The following ANKRD30A variants were observed in gnomAD, a reference collection of about 807,000 sequenced individuals.
ANKRD30A encodes the protein ankyrin repeat domain 30A.
ANKRD30A carries 170 observed loss-of-function variants against 166.3 expected under a neutral mutation model. The observed-to-expected ratio is 1.02, with a 90% CI of 0.90 to 1.16. The LOEUF (loss-of-function observed/expected upper bound fraction) is 1.16, where lower values mean the gene tolerates loss of function less well. ANKRD30A is among the 50% of genes most tolerant of loss of function. The pLI, the probability that ANKRD30A is intolerant of heterozygous loss-of-function variation, is 0.00. For synonymous variants in ANKRD30A, 564 were observed against 508.9 expected (o/e 1.11, Z -1.46); for missense variants, 1,630 against 1,518.0 (o/e 1.07, Z -1.23).
At chr10:37,153,430 T>G (rs2132564442) in intron 12 of ANKRD30A, 142 bp from the exon 13 acceptor site, 1 of 1,262,374 alleles carries the variant, frequency 7.9e-7, no homozygotes, top group South Asian at 1.5e-5. Context: ...GTGTTGGTTT[T>G]CTATATGTAT....
intron 34 of ANKRD30A, among the ~76,000 whole-genome samples, chr10:37,226,067 T>C (rs1195281359): frequency 6.6e-6 from 1 of 151,588 alleles, no homozygotes; most frequent in Non-Finnish European, 1.5e-5. Flanking sequence ...CTTTTGTGAC[T>C]GGATTCTTTC....
intron 12 of ANKRD30A, 60 bp downstream of exon 12, chr10:37,152,181 G>T (rs1837998752): frequency 7.2e-7 from 1 of 1,392,720 alleles, no homozygotes; most frequent in Middle Eastern, 1.8e-4. Flanking sequence ...AAACATAAAG[G>T]CAGAGGCTTA....
intron 27 of ANKRD30A, among the ~76,000 whole-genome samples, chr10:37,194,148 T>G (rs1283131701): frequency 2.6e-5 from 4 of 151,990 alleles, no homozygotes; most frequent in African/African-American, 9.7e-5. Context: ...TGAGCCGAGC[T>G]TGTGCCACTT....
At chr10:37,252,373 T>A in the ANKRD30A span, among the ~76,000 whole-genome samples, 1 of 152,196 alleles carries the variant, frequency 6.6e-6, no homozygotes, top group African/African-American at 2.4e-5. Context: ...ACTTTTAAAA[T>A]AAATAATGCT....
At chr10:37,254,926 C>T in the ANKRD30A span, among the ~76,000 whole-genome samples, 1 of 152,040 alleles carries the variant, frequency 6.6e-6, no homozygotes, top group South Asian at 2.1e-4. Flanking sequence ...TCGTGATCTG[C>T]CCACCTCAGC....
intron 34 of ANKRD30A, among the ~76,000 whole-genome samples, chr10:37,222,775 C>T (rs1429712500): frequency 6.6e-6 from 1 of 151,266 alleles, no homozygotes; most frequent in African/African-American, 2.4e-5. Context: ...CTCTCATTGA[C>T]CTTATGCTTC....
rs1168663555 is a variant in ANKRD30A at position 37,183,368 on chromosome 10, C to A, written c.2422-6099C>A. 1.4e-5 allele frequency among the ~76,000 whole-genome samples: 2 copies of A among 145,286 alleles called. 1 individual carries two copies. The highest frequency in any genetic ancestry group is 1.4e-4 in the Admixed American group (2 of 14,342). ...TTAGGCCCCCGGTGTATTTGTTGAA[C>A]TTCAGAGATGCTCAGATCAGAAGCT... On this transcript the variant is annotated intron_variant, in intron 24 of 35. Coordinates refer to ENST00000361713, the MANE Select transcript of ANKRD30A (RefSeq NM_052997.3).
chr10:37,254,617 A>G, the ANKRD30A span, among the ~76,000 whole-genome samples: 1 of 150,464 alleles, frequency 6.6e-6, no homozygotes, highest in Non-Finnish European at 1.5e-5. Flanking sequence ...CATATTTCTA[A>G]TCAAATATAT....
In ANKRD30A at chr10:37,219,431, G is replaced by T; in HGVS notation, c.3719G>T (p.Ser1240Ile). The T allele has an allele frequency of 6.2e-7, 1 of 1,610,406 alleles. No homozygotes were observed. The highest frequency in any genetic ancestry group is 8.5e-7 in the Non-Finnish European group (1 of 1,177,686). The change falls in exon 34 of 36, where the codon AGT becomes ATT. Residue 1240 changes from serine to isoleucine, a missense_variant. This residue lies in a region of ANKRD30A where 712 missense variants were observed against 629.3 expected (regional missense o/e 1.13). Coordinates refer to ENST00000361713, the MANE Select transcript of ANKRD30A (RefSeq NM_052997.3). ...CAAAGAAAAATGAATGTTGATGTGAGTAGTACGATATATAACAATGAGGTG... is the reference window on the plus strand; with the variant it reads ...CAAAGAAAAATGAATGTTGATGTGATTAGTACGATATATAACAATGAGGTG... Reference protein sequence around the residue: ...CLQRKMNVDVSSTIYNNEVLH... With the variant: ...CLQRKMNVDVISTIYNNEVLH...
At chr10:37,192,670 T>C (rs1008458699) in intron 25 of ANKRD30A, among the ~76,000 whole-genome samples, 29 of 152,054 alleles carry the variant, frequency 1.9e-4, no homozygotes, top group African/African-American at 6.3e-4. Flanking sequence ...CAATATGCCA[T>C]AGCATTCTCC....
intron 15 of ANKRD30A, 61 bp from the exon 16 acceptor site, chr10:37,162,588 C>T: frequency 6.3e-7 from 1 of 1,593,226 alleles, no homozygotes; most frequent in Non-Finnish European, 8.6e-7. Flanking sequence ...TCACGGCATT[C>T]ATTTGTGGTT....
At chr10:37,155,819 C>A (rs1414405206) in intron 13 of ANKRD30A, among the ~76,000 whole-genome samples, 1 of 152,082 alleles carries the variant, frequency 6.6e-6, no homozygotes, top group Non-Finnish European at 1.5e-5. Context: ...TGGTGGCTCA[C>A]GCCTGTAATT....
chr10:37,250,167 C>T, the ANKRD30A span, among the ~76,000 whole-genome samples: 4 of 152,162 alleles, frequency 2.6e-5, no homozygotes, highest in African/African-American at 9.7e-5. Context: ...AAATTGTGTA[C>T]ATATTGCTTA....
Position 37,142,299 on chromosome 10 carries a change from C to A in ANKRD30A, c.1393+9C>A. 1 of 1,571,948 alleles carries A rather than the reference C, an allele frequency of 6.4e-7. No homozygotes were observed. The highest frequency in any genetic ancestry group is 8.6e-7 in the Non-Finnish European group (1 of 1,165,618). ...AAAAGCAAGTGCCAATGGTAAGATG[C>A]TAGAGCGAACTTTGTAAGGTTTATT... On this transcript the variant is annotated intron_variant, in intron 7 of 35. Coordinates refer to ENST00000361713, the MANE Select transcript of ANKRD30A (RefSeq NM_052997.3).
intron 15 of ANKRD30A, among the ~76,000 whole-genome samples, chr10:37,159,202 C>A (rs1253878173): frequency 6.6e-6 from 1 of 152,156 alleles, no homozygotes; most frequent in Non-Finnish European, 1.5e-5. Flanking sequence ...TTTTTGCTGT[C>A]ATTCCCATGC....
At chr10:37,222,460 A>G (rs889430261) in intron 34 of ANKRD30A, among the ~76,000 whole-genome samples, 1 of 151,284 alleles carries the variant, frequency 6.6e-6, no homozygotes, top group Admixed American at 6.6e-5. Context: ...TTTATTGTCA[A>G]ATAATATTCT....
intron 25 of ANKRD30A, among the ~76,000 whole-genome samples, chr10:37,189,965 A>G (rs1840395974): frequency 6.6e-6 from 1 of 151,884 alleles, no homozygotes; most frequent in Admixed American, 6.6e-5. Flanking sequence ...TTTGGGAAGA[A>G]TATAAAGTGA....
At chr10:37,202,533 C>A (rs1417276777) in intron 31 of ANKRD30A, among the ~76,000 whole-genome samples, 1 of 152,084 alleles carries the variant, frequency 6.6e-6, no homozygotes, top group Non-Finnish European at 1.5e-5. Context: ...CAAGAGAAAG[C>A]AGGAAAGATC....
chr10:37,155,747 T>C (rs1417335219), intron 13 of ANKRD30A, among the ~76,000 whole-genome samples: 1 of 152,166 alleles, frequency 6.6e-6, no homozygotes, highest in Non-Finnish European at 1.5e-5. Flanking sequence ...CTACAGCAAC[T>C]GTTTAGTTTT....
Sources: allele counts gnomAD v4.1 joint callset (sites outside exome capture counted in the v4.1 genomes callset), GRCh38; gene constraint gnomAD v4.1.1; regional missense constraint gnomAD v4.1.1; transcripts MANE v1.5; gene names NCBI Gene and HGNC (gene_info 2026-07-23, HGNC 2026-07-21).